The following PDE10A variants were observed in gnomAD, a reference collection of about 807,000 sequenced individuals.
PDE10A encodes phosphodiesterase 10A.
A neutral mutation model predicts 97.7 loss-of-function variants in PDE10A; 39 were observed. The observed-to-expected ratio is 0.40, with a 90% CI of 0.31 to 0.52. PDE10A has a LOEUF of 0.52. Ranked by LOEUF, PDE10A falls within the 20% of genes least tolerant of loss-of-function variation. PDE10A has a pLI of 0.56. For missense variants in PDE10A, 731 were observed against 1,047.8 expected, an observed-to-expected ratio of 0.70 and a Z score of 4.17; for synonymous variants, 371 against 376.8, an observed-to-expected ratio of 0.98 and a Z score of 0.18.
intron 5 of PDE10A, among the ~76,000 whole-genome samples, chr6:165,436,118 G>T: frequency 6.6e-6 from 1 of 151,940 alleles, no homozygotes; most frequent in Non-Finnish European, 1.5e-5. Context: ...TAGAAATTGG[G>T]GGCAATATTT....
intron 14 of PDE10A, 66 bp from the exon 15 acceptor site, chr6:165,395,330 G>A (rs1786080036): frequency 8.9e-7 from 1 of 1,127,080 alleles, no homozygotes; most frequent in East Asian, 2.4e-5. Context: ...GTAAAGAAAA[G>A]CATTTAACTT....
chr6:165,640,242 T>C (rs1243261520), intron 1 of PDE10A, among the ~76,000 whole-genome samples: 2 of 152,188 alleles, frequency 1.3e-5, no homozygotes, highest in East Asian at 1.9e-4. Flanking sequence ...TATTTACCAG[T>C]GTTTTAAAAA....
intron 2 of PDE10A, among the ~76,000 whole-genome samples, chr6:165,527,685 TATC>T (rs773950054): frequency 2.8e-4 from 42 of 152,332 alleles, no homozygotes; most frequent in Non-Finnish European, 4.7e-4. Flanking sequence ...AGCAGCATTC[TATC>T]ATCAAATGGA....
chr6:165,708,761 C>T (rs1791791555), intron 1 of PDE10A, among the ~76,000 whole-genome samples: 1 of 95,692 alleles, frequency 1.0e-5, no homozygotes, highest in Non-Finnish European at 2.3e-5. Context: ...GCCATGCTGC[C>T]ACGCTCACCC....
At chr6:165,981,452 G>A (rs908192640) in intron 1 of PDE10A, among the ~76,000 whole-genome samples, 2 of 152,186 alleles carry the variant, frequency 1.3e-5, no homozygotes, top group Non-Finnish European at 2.9e-5. Context: ...AACCTGAGGG[G>A]AGGAGAGAGG....
intron 1 of PDE10A, among the ~76,000 whole-genome samples, chr6:165,707,357 C>T (rs1791738188): frequency 6.6e-6 from 1 of 152,236 alleles, no homozygotes; most frequent in South Asian, 2.1e-4. Flanking sequence ...GCAGGGTTTG[C>T]AGCTCACTCA....
At chr6:165,823,127 C>T (rs1204854075) in intron 1 of PDE10A, among the ~76,000 whole-genome samples, 7 of 151,862 alleles carry the variant, frequency 4.6e-5, no homozygotes, top group African/African-American at 1.2e-4. Flanking sequence ...CCACCGCTCC[C>T]GGCCTATAAT....
At chr6:165,812,581 C>T (rs1308130635) in intron 1 of PDE10A, among the ~76,000 whole-genome samples, 2 of 152,180 alleles carry the variant, frequency 1.3e-5, no homozygotes, top group Non-Finnish European at 2.9e-5. Flanking sequence ...GTGACTTTCT[C>T]AAAAGTTTGG....
intron 1 of PDE10A, among the ~76,000 whole-genome samples, chr6:165,594,403 T>C (rs1416734599): frequency 6.6e-6 from 1 of 152,102 alleles, no homozygotes; most frequent in Non-Finnish European, 1.5e-5. Context: ...CAGCAATAGA[T>C]TATAACACAT....
intron 1 of PDE10A, among the ~76,000 whole-genome samples, chr6:165,676,696 C>T (rs377355209): frequency 1.3e-5 from 2 of 152,186 alleles, no homozygotes; most frequent in East Asian, 1.9e-4. Context: ...ACTTGGCTTC[C>T]AGTCTTCACA....
At chr6:165,869,538 T>G (rs965920703) in intron 1 of PDE10A, among the ~76,000 whole-genome samples, 3 of 152,132 alleles carry the variant, frequency 2.0e-5, no homozygotes, top group Admixed American at 2.0e-4. Context: ...AATTTACAGA[T>G]TTGATGCGTC....
At chr6:165,479,764 G>T (rs1779497749) in intron 3 of PDE10A, among the ~76,000 whole-genome samples, 1 of 151,990 alleles carries the variant, frequency 6.6e-6, no homozygotes, top group African/African-American at 2.4e-5. Flanking sequence ...AAACAGAAAT[G>T]CTAAAAAAAT....
chr6:165,735,445 G>T (rs996257580), intron 1 of PDE10A, among the ~76,000 whole-genome samples: 4 of 151,944 alleles, frequency 2.6e-5, no homozygotes, highest in African/African-American at 9.7e-5. Context: ...TAGATATATA[G>T]GTAGGTAGAT....
intron 1 of PDE10A, among the ~76,000 whole-genome samples, chr6:165,748,020 C>T (rs936460791): frequency 6.6e-6 from 1 of 152,158 alleles, no homozygotes; most frequent in Non-Finnish European, 1.5e-5. Flanking sequence ...TTGGTGCTCA[C>T]TGACCCTCGG....
intron 1 of PDE10A, among the ~76,000 whole-genome samples, chr6:165,973,345 G>T (rs185508762): frequency 6.6e-6 from 1 of 151,970 alleles, no homozygotes; most frequent in African/African-American, 2.4e-5. Flanking sequence ...CCCGGGAGGC[G>T]GAGGTGGCAG....
Position 165,658,495 on chromosome 6 carries a change from A to C in PDE10A, c.865+3452T>G, listed in dbSNP as rs139599028. Among the ~76,000 whole-genome samples the C allele has an allele frequency of 2.0e-5, 3 of 152,238 alleles. No individual in the cohort carries two copies. In the East Asian group the frequency reaches 5.8e-4, roughly 29 times the overall value. On this transcript the variant is annotated intron_variant, in intron 1 of 21. Transcript: ENST00000539869. ...TAACCAGGGAAACACAAACAGAGAG[A>C]GGTGCGGGCGTATTTGTGGCTTCTG...
chr6:165,442,964 T>A (rs1158906890), intron 5 of PDE10A, among the ~76,000 whole-genome samples: 1 of 151,184 alleles, frequency 6.6e-6, no homozygotes, highest in Non-Finnish European at 1.5e-5. Flanking sequence ...CAGAAAAAAA[T>A]AGTCGAACAT....
chr6:165,566,627 A>C (rs1325695858), intron 1 of PDE10A, among the ~76,000 whole-genome samples: 1 of 152,188 alleles, frequency 6.6e-6, no homozygotes, highest in Non-Finnish European at 1.5e-5. Flanking sequence ...AAGATTCTGG[A>C]GATAAAGGTG....
chr6:165,946,567 A>AGAAT, intron 1 of PDE10A, among the ~76,000 whole-genome samples: 2 of 152,248 alleles, frequency 1.3e-5, no homozygotes, highest in Middle Eastern at 6.8e-3. Flanking sequence ...TGCTAAGAGT[A>AGAAT]GAATTTAAGT....
Sources: gnomAD v4.1 joint callset for allele counts (sites outside exome capture counted in the v4.1 genomes callset) on GRCh38, gnomAD v4.1.1 for gene constraint, MANE v1.5 for transcripts, NCBI Gene and HGNC (gene_info 2026-07-23, HGNC 2026-07-21) for gene names.